The following SCFD2 variants were observed in gnomAD, a reference collection of about 807,000 sequenced individuals.
SCFD2 encodes sec1 family domain-containing protein 2.
Under a neutral mutation model 58.9 loss-of-function variants are expected in SCFD2, and 54 were observed. That is an observed-to-expected ratio of 0.92 (90% CI 0.74 to 1.15). The LOEUF is 1.15. Ranked by LOEUF, SCFD2 falls within the 50% of genes most tolerant of loss-of-function variation. The pLI is 0.00. For missense variants in SCFD2, 805 were observed against 836.6 expected (o/e 0.96, Z 0.47); for synonymous variants, 321 against 335.9 (o/e 0.96, Z 0.49).
chr4:52,956,153 G>T, intron 5 of SCFD2: 1 of 456,678 alleles, frequency 2.2e-6, no homozygotes, highest in Non-Finnish European at 4.4e-6. Context: ...TCTGGAAGAA[G>T]CCCAAGACTA....
chr4:53,087,998 G>A (rs560892876), intron 5 of SCFD2, among the ~76,000 whole-genome samples: 36 of 152,158 alleles, frequency 2.4e-4, no homozygotes, highest in African/African-American at 8.2e-4. Context: ...AGTGAGGCTT[G>A]GCTCCTTCCG....
chr4:52,922,724 C>G (rs1463973443), intron 5 of SCFD2, among the ~76,000 whole-genome samples: 1 of 152,048 alleles, frequency 6.6e-6, no homozygotes, highest in Admixed American at 6.6e-5. Flanking sequence ...AGGTATATAC[C>G]TACGACTAGA....
chr4:52,940,330 C>A (rs1382884105), intron 5 of SCFD2, among the ~76,000 whole-genome samples: 1 of 152,166 alleles, frequency 6.6e-6, no homozygotes, highest in Non-Finnish European at 1.5e-5. Flanking sequence ...GATCTGCATT[C>A]TCAGTTTCAC....
intron 5 of SCFD2, among the ~76,000 whole-genome samples, chr4:52,942,723 G>T (rs1458230179): frequency 6.6e-6 from 1 of 152,158 alleles, no homozygotes; most frequent in Non-Finnish European, 1.5e-5. Flanking sequence ...GACATCTCAG[G>T]AGGAGAAGTA....
intron 5 of SCFD2, among the ~76,000 whole-genome samples, chr4:53,059,012 C>T (rs967140088): frequency 6.6e-6 from 1 of 152,064 alleles, no homozygotes; most frequent in African/African-American, 2.4e-5. Flanking sequence ...TCAGGAATCG[C>T]GGTACCAGGA....
chr4:53,238,389 G>A (rs1415471875), intron 4 of SCFD2, among the ~76,000 whole-genome samples: 2 of 140,144 alleles, frequency 1.4e-5, no homozygotes, highest in Non-Finnish European at 3.1e-5. Flanking sequence ...CAGGGCGGCT[G>A]GCCTGGCGGG....
At chr4:53,194,297 C>T (rs1196373998) in intron 4 of SCFD2, among the ~76,000 whole-genome samples, 1 of 152,122 alleles carries the variant, frequency 6.6e-6, no homozygotes, top group Non-Finnish European at 1.5e-5. Flanking sequence ...ACTACTACTA[C>T]CACTATGTTA....
chr4:53,352,720 T>C lies in SCFD2; in HGVS notation c.885A>G (p.Ser295=), dbSNP rs777686274. ...TGTGGCCTGGGAGCTGGGGAAGTGC[T>C]GAAATGATCTTCTCTACTAAGTTGT... is the stretch of plus-strand genomic sequence containing the variant. ...HGDNLVEKII[S]ALPQLPGHTN... The change falls in exon 2 of 9, where the codon TCA becomes TCG. Residue 295 remains serine (S), a synonymous_variant. Coordinates refer to ENST00000401642, the MANE Select transcript of SCFD2 (RefSeq NM_152540.4). 3.1e-6 allele frequency: 5 copies of C among 1,614,116 alleles called. No homozygotes were observed. Among genetic ancestry groups the C allele is most frequent in the Non-Finnish European group, 4.2e-6 (5 of 1,179,974 alleles).
chr4:53,250,646 T>C (rs1329516576), intron 4 of SCFD2, among the ~76,000 whole-genome samples: 2 of 152,192 alleles, frequency 1.3e-5, no homozygotes, highest in Non-Finnish European at 1.5e-5. Flanking sequence ...GAATGAATAC[T>C]GGGTAAATAA....
At chr4:53,022,763 G>A (rs992762021) in intron 5 of SCFD2, among the ~76,000 whole-genome samples, 2 of 152,198 alleles carry the variant, frequency 1.3e-5, no homozygotes, top group African/African-American at 4.8e-5. Flanking sequence ...AGAAGAAAAT[G>A]CAACAAGAGT....
intron 5 of SCFD2, 79 bp downstream of exon 5, chr4:53,145,254 T>C: frequency 6.6e-7 from 1 of 1,524,830 alleles, no homozygotes; most frequent in Non-Finnish European, 8.9e-7. Context: ...TTACCTCCTC[T>C]TCCCAAAACA....
chr4:53,040,359 T>G (rs1198510816), intron 5 of SCFD2, among the ~76,000 whole-genome samples: 1 of 152,214 alleles, frequency 6.6e-6, no homozygotes, highest in Non-Finnish European at 1.5e-5. Context: ...TGAACTTACA[T>G]GAGTCATCTG....
chr4:53,182,660 C>A lies in SCFD2; in HGVS notation c.1312-37078G>T, dbSNP rs368526931. On this transcript the variant is annotated intron_variant, in intron 4 of 8. Coordinates refer to ENST00000401642, the MANE Select transcript of SCFD2 (RefSeq NM_152540.4). ...AAGCCAAAATTGACAAATGGGATCT[C>A]ATTAAACTAAAGAGCTTCTGCGCAG... Among the ~76,000 whole-genome samples the A allele has an allele frequency of 9.2e-5, 14 of 152,112 alleles. 1 individual carries two copies. The East Asian group carries it at 9.6e-4, about 10-fold the overall frequency.
chr4:52,956,139 T>C (rs1316872214), intron 5 of SCFD2: 1 of 456,690 alleles, frequency 2.2e-6, no homozygotes, highest in Non-Finnish European at 4.4e-6. Flanking sequence ...GCCAGAGCTC[T>C]AAATCTGGAA....
chr4:53,289,693 A>G (rs1731778272), intron 3 of SCFD2, among the ~76,000 whole-genome samples: 1 of 152,142 alleles, frequency 6.6e-6, no homozygotes, highest in Non-Finnish European at 1.5e-5. Context: ...GCTGAATGGA[A>G]AACAACAACA....
intron 2 of SCFD2, among the ~76,000 whole-genome samples, chr4:53,338,994 C>T (rs1733777437): frequency 6.6e-6 from 1 of 151,542 alleles, no homozygotes; most frequent in Non-Finnish European, 1.5e-5. Context: ...GATTTTGTTG[C>T]AGCAGATCTA....
intron 5 of SCFD2, among the ~76,000 whole-genome samples, chr4:52,955,160 C>G (rs930286586): frequency 9.2e-5 from 14 of 152,174 alleles, no homozygotes; most frequent in Non-Finnish European, 2.1e-4. Flanking sequence ...CAGTGGGCAG[C>G]TGGGGTTCCA....
At chr4:53,160,102 A>G (rs940919003) in intron 4 of SCFD2, among the ~76,000 whole-genome samples, 2 of 152,200 alleles carry the variant, frequency 1.3e-5, no homozygotes, top group African/African-American at 2.4e-5. Context: ...AATTGTCAAG[A>G]TAGATTTAGT....
intron 5 of SCFD2, among the ~76,000 whole-genome samples, chr4:53,097,635 T>C (rs1467762640): frequency 6.6e-6 from 1 of 152,228 alleles, no homozygotes; most frequent in African/African-American, 2.4e-5. Flanking sequence ...TGGGGTTTTC[T>C]AAATACACAA....
Sources: allele counts gnomAD v4.1 joint callset (sites outside exome capture counted in the v4.1 genomes callset), GRCh38; gene constraint gnomAD v4.1.1; transcripts MANE v1.5; gene names NCBI Gene and HGNC (gene_info 2026-07-23, HGNC 2026-07-21).